TCF4: variants seen among roughly 807,000 people sequenced by gnomAD.
The protein encoded by TCF4 is transcription factor 4.
A neutral mutation model predicts 82.1 loss-of-function variants in TCF4; 3 were observed. That is an observed-to-expected ratio of 0.04 (90% confidence interval 0.02 to 0.09). TCF4 has a LOEUF of 0.09. Among genes scored for constraint, TCF4 ranks in the 10% least tolerant of loss-of-function variants. The pLI is 1.00. For synonymous variants in TCF4, 276 were observed against 309.6 expected, an observed-to-expected ratio of 0.89 and a Z score of 1.14; for missense variants, 518 against 852.7, an observed-to-expected ratio of 0.61 and a Z score of 4.89.
intron 8 of TCF4, among the ~76,000 whole-genome samples, chr18:55,298,116 C>T (rs553307465): frequency 3.3e-5 from 5 of 152,202 alleles, no homozygotes; most frequent in Admixed American, 6.5e-5. Context: ...ATGTTGGGCA[C>T]GAAGCATCCA....
At chr18:55,350,754 C>T in intron 7 of TCF4, 120 bp downstream of exon 7, 1 of 1,472,320 alleles carries the variant, frequency 6.8e-7, no homozygotes, top group East Asian at 2.3e-5. Flanking sequence ...ACAACTGAGC[C>T]AAATTTTATG....
At chr18:55,448,845 G>A (rs767642488) in intron 5 of TCF4, among the ~76,000 whole-genome samples, 1 of 152,330 alleles carries the variant, frequency 6.6e-6, no homozygotes. Context: ...TGAGAGAACA[G>A]CCGTAAATTT....
At chr18:55,537,617 G>A (rs1028182676) in intron 3 of TCF4, among the ~76,000 whole-genome samples, 1 of 152,052 alleles carries the variant, frequency 6.6e-6, no homozygotes, top group Non-Finnish European at 1.5e-5. Context: ...AAAAAATTAT[G>A]CACTGCTAAA....
chr18:55,271,561 T>TA (rs1365132720), intron 10 of TCF4, among the ~76,000 whole-genome samples: 6 of 152,146 alleles, frequency 3.9e-5, no homozygotes, highest in African/African-American at 1.4e-4. Flanking sequence ...TAGCCCAACT[T>TA]AAAAGACTTC....
chr18:55,426,782 T>G (rs1011571197), intron 5 of TCF4, among the ~76,000 whole-genome samples: 13 of 152,098 alleles, frequency 8.5e-5, no homozygotes, highest in Non-Finnish European at 1.9e-4. Context: ...AAAATAAATA[T>G]GTACTTCTAT....
intron 3 of TCF4, among the ~76,000 whole-genome samples, chr18:55,505,229 C>T (rs2096740861): frequency 6.6e-6 from 1 of 152,122 alleles, no homozygotes; most frequent in South Asian, 2.1e-4. Flanking sequence ...TGATTTATGG[C>T]GCTAATTTCA....
At chr18:55,420,187 A>G (rs1309200485) in intron 5 of TCF4, among the ~76,000 whole-genome samples, 4 of 152,244 alleles carry the variant, frequency 2.6e-5, no homozygotes, top group Non-Finnish European at 5.9e-5. Flanking sequence ...CAGGTATAAT[A>G]AAGGGAAACA....
Position 55,621,618 on chromosome 18 carries a change from TTA to T in TCF4, c.286+9678_286+9679del, listed in dbSNP as rs1343400556. The stretch of plus-strand genomic sequence containing the variant: ...TATATATTATGTACATTATATAATA[TTA>T]TATATAATATATATATTATATAATA... On this transcript the variant is annotated intron_variant, in intron 2 of 20. Transcript: ENST00000398339. Among the ~76,000 whole-genome samples, 214 of 31,074 alleles carry T rather than the reference TTA, an allele frequency of 6.9e-3. 1 individual carries two copies. The highest frequency in any genetic ancestry group is 8.2e-3 in the African/African-American group (70 of 8,538). The allele number at this position is 31,074 out of a possible 152,430, so 20.4% of individuals were successfully genotyped here. A position where few individuals can be genotyped will look rare whatever the true frequency, so the allele number is the denominator to read the frequency against.
At chr18:55,345,985 ATC>A (rs1368139915) in intron 8 of TCF4, among the ~76,000 whole-genome samples, 1 of 152,156 alleles carries the variant, frequency 6.6e-6, no homozygotes, top group Non-Finnish European at 1.5e-5. Flanking sequence ...GTTTACCAAT[ATC>A]TCTTTTAAAT....
chr18:55,598,758 T>G (rs1214977786), intron 2 of TCF4, among the ~76,000 whole-genome samples: 1 of 152,174 alleles, frequency 6.6e-6, no homozygotes, highest in Non-Finnish European at 1.5e-5. Flanking sequence ...CAATTCAAAC[T>G]GGCTTAAATG....
At chr18:55,548,657 GC>G (rs1470950717) in intron 3 of TCF4, among the ~76,000 whole-genome samples, 9 of 152,278 alleles carry the variant, frequency 5.9e-5, no homozygotes, top group Non-Finnish European at 1.2e-4. Context: ...AGATGGTGTA[GC>G]CTGCTATACA....
intron 8 of TCF4, among the ~76,000 whole-genome samples, chr18:55,333,825 T>C (rs188796320): frequency 1.3e-5 from 2 of 152,322 alleles, no homozygotes; most frequent in East Asian, 3.9e-4. Flanking sequence ...CTCTCTGTTG[T>C]TGAGTTTGAA....
chr18:55,470,949 A>T (rs2145182016), intron 3 of TCF4, among the ~76,000 whole-genome samples: 1 of 152,268 alleles, frequency 6.6e-6, no homozygotes, highest in Middle Eastern at 3.4e-3. Context: ...AATATCCTCT[A>T]CACCATTATG....
At chr18:55,634,538 T>C (rs1192766857) in intron 1 of TCF4, among the ~76,000 whole-genome samples, 3 of 152,130 alleles carry the variant, frequency 2.0e-5, no homozygotes, top group African/African-American at 7.2e-5. Flanking sequence ...ACATCCCATC[T>C]AGTGTGGAGG....
chr18:55,276,315 A>G (rs972202283), intron 9 of TCF4, among the ~76,000 whole-genome samples: 6 of 152,094 alleles, frequency 3.9e-5, no homozygotes, highest in African/African-American at 1.4e-4. Flanking sequence ...AGTTCTTAGG[A>G]TATTTTATTT....
In TCF4 at chr18:55,401,738, C is replaced by CA. The variant is rs1287987754; in HGVS notation, c.369+1715dup. On this transcript the variant is annotated intron_variant, in intron 6 of 19. Transcript: ENST00000354452. Reference sequence around the variant, plus strand: ...GTTAAGGGGCCTCACGCTTACTCAGCAGAGGAAATCTTTGTGTCTGTGAGG... The same window carrying CA: ...GTTAAGGGGCCTCACGCTTACTCAGCAAGAGGAAATCTTTGTGTCTGTGAGG... 6.1e-6 allele frequency: 6 copies of CA among 985,874 alleles called. No individual in the cohort carries two copies. The South Asian group carries it at 1.9e-4, about 31-fold the overall frequency. The allele number at this position is 985,874 out of a possible 1,614,324, so 61.1% of individuals were successfully genotyped here.
At chr18:55,593,614 T>TA (rs1330878033), upstream of TCF4, among the ~76,000 whole-genome samples, 29 of 152,170 alleles carry the variant, frequency 1.9e-4, no homozygotes, top group Admixed American at 1.6e-3. Context: ...AGCCCTCTGG[T>TA]AATCCAGAAT....
rs2046886513 is a variant in TCF4, at chr18:55,228,234, T to C, written c.2007A>G (p.Gly669=). 5 of 1,614,058 alleles carry C rather than the reference T, an allele frequency of 3.1e-6. No individual in the cohort carries two copies. Among genetic ancestry groups the C allele is most frequent in the African/African-American group, 1.3e-5 (1 of 74,924 alleles). The change falls in exon 19 of 20, where the codon GGA becomes GGG. Residue 669 remains glycine, a synonymous_variant. Coordinates refer to ENST00000354452, the MANE Select transcript of TCF4 (RefSeq NM_001083962.2). Reference sequence around the variant, plus strand: ...AAACAAACTTGCCCTTTTACATCTGTCCCATGTGATTCGATGCGTCTCCCA... The same window carrying C: ...AAACAAACTTGCCCTTTTACATCTGCCCCATGTGATTCGATGCGTCTCCCA... The part of the protein sequence containing the change: ...PGMGDASNHM[G]QM
chr18:55,439,327 C>A (rs2095393752), intron 5 of TCF4, among the ~76,000 whole-genome samples: 1 of 152,162 alleles, frequency 6.6e-6, no homozygotes, highest in Non-Finnish European at 1.5e-5. Context: ...GAGGACAGCA[C>A]AGCACACTGA....
Sources: gnomAD v4.1 joint callset for allele counts (sites outside exome capture counted in the v4.1 genomes callset) on GRCh38, gnomAD v4.1.1 for gene constraint, MANE v1.5 for transcripts, NCBI Gene and HGNC (gene_info 2026-07-23, HGNC 2026-07-21) for gene names.